The following PRMT9 variants were observed in gnomAD, a reference collection of about 807,000 sequenced individuals.
The protein encoded by PRMT9 is protein arginine N-methyltransferase 9.
Under a neutral mutation model 83.2 loss-of-function variants are expected in PRMT9, and 59 were observed. The ratio of observed to expected loss-of-function variants is 0.71; its 90% confidence interval spans 0.57 to 0.88. PRMT9 has a LOEUF of 0.88. PRMT9 is among the 40% of genes least tolerant of loss of function. The probability of loss-of-function intolerance (pLI) is 0.00; values close to 1 mark genes in which losing one functional copy is unlikely to be tolerated. For synonymous variants in PRMT9, 333 were observed against 353.2 expected, an observed-to-expected ratio of 0.94 and a Z score of 0.64; for missense variants, 947 against 1,021.9, an observed-to-expected ratio of 0.93 and a Z score of 1.00.
In PRMT9 at chr4:147,637,850, T is replaced by C. The variant is rs111767918; in HGVS notation, c.*682A>G. 1.3e-5 allele frequency: 2 copies of C among 152,680 alleles called. No homozygotes were observed. The highest frequency in any genetic ancestry group is 4.8e-5 in the African/African-American group (2 of 41,590). The allele number at this position is 152,680 out of a possible 1,614,324, so 9.5% of individuals were successfully genotyped here. A position where few individuals can be genotyped will look rare whatever the true frequency, so the allele number is the denominator to read the frequency against. The stretch of plus-strand genomic sequence containing the variant: ...GTAAAAATTGGATCAATTAATGTAC[T>C]TATTGTACATCCAAATCAAAACTTT... On this transcript the variant is annotated 3_prime_UTR_variant, in exon 12 of 12. Coordinates refer to ENST00000322396, the MANE Select transcript of PRMT9 (RefSeq NM_138364.4).
Position 147,668,537 on chromosome 4 carries a change from A to C in PRMT9, c.953+2T>G. 6.5e-7 allele frequency: 1 copy of C among 1,535,564 alleles called. No individual in the cohort carries two copies. Among genetic ancestry groups the C allele is most frequent in the South Asian group, 1.1e-5 (1 of 89,628 alleles). ...AGTGTGAAAATGGACTAATACACTTACCTATGATGTCTTCTTATCTCTGCA... is the reference window on the plus strand; with the variant it reads ...AGTGTGAAAATGGACTAATACACTTCCCTATGATGTCTTCTTATCTCTGCA... On this transcript the variant is annotated splice_donor_variant, in intron 6 of 11. Coordinates refer to ENST00000322396, the MANE Select transcript of PRMT9 (RefSeq NM_138364.4). LOFTEE classifies it high-confidence loss of function.
chr4:147,642,925 A>T lies in PRMT9; in HGVS notation c.2061T>A (p.Ser687=), dbSNP rs775448359. ...KAAISRCLLQ[S]GGKIFPQYVL... is the part of the protein sequence containing the mutation. ...CATACTGAGGAAAGATCTTGCCTCC[A>T]GATTGTAGTAAACACCTAAGAAAAA... Residue 687 remains serine (S), a synonymous_variant, in exon 10 of 12, where the codon TCT becomes TCA. Coordinates refer to ENST00000322396, the MANE Select transcript of PRMT9 (RefSeq NM_138364.4). 34 of 1,614,028 alleles carry T rather than the reference A, an allele frequency of 2.1e-5. No individual in the cohort carries two copies. The highest frequency in any genetic ancestry group is 2.6e-5 in the Non-Finnish European group (31 of 1,179,978).
intron 9 of PRMT9, among the ~76,000 whole-genome samples, chr4:147,647,093 G>A (rs1253917771): frequency 1.3e-5 from 2 of 152,094 alleles, no homozygotes; most frequent in Non-Finnish European, 1.5e-5. Context: ...AGGCCACAAG[G>A]TTAGGATTAT....
At chr4:147,644,254 A>C (rs1436711250) in intron 9 of PRMT9, among the ~76,000 whole-genome samples, 1 of 152,062 alleles carries the variant, frequency 6.6e-6, no homozygotes, top group Non-Finnish European at 1.5e-5. Context: ...AAATAGTAAT[A>C]GTGTATTACT....
At chr4:147,663,548 T>C (rs901706613) in intron 6 of PRMT9, among the ~76,000 whole-genome samples, 4 of 152,148 alleles carry the variant, frequency 2.6e-5, no homozygotes, top group African/African-American at 9.7e-5. Context: ...GTATTTTTTA[T>C]AGAGACAGGG....
Position 147,684,156 on chromosome 4 carries a change from C to A in PRMT9, c.-169G>T, listed in dbSNP as rs547968933. On this transcript the variant is annotated 5_prime_UTR_variant, in exon 1 of 12. Coordinates refer to ENST00000322396, the MANE Select transcript of PRMT9 (RefSeq NM_138364.4). ...ACCCCAGCCCAGGCGGAAGCTCCGCCCCGTCCTGGCCCCGCGGGCGGCGCA... is the reference window on the plus strand; with the variant it reads ...ACCCCAGCCCAGGCGGAAGCTCCGCACCGTCCTGGCCCCGCGGGCGGCGCA... The A allele has an allele frequency of 3.9e-6, 3 of 774,090 alleles. No homozygotes were observed. In the South Asian group the frequency reaches 4.9e-5, roughly 13 times the overall value. The allele number at this position is 774,090 out of a possible 1,614,324, so 48.0% of individuals were successfully genotyped here.
chr4:147,682,766 A>G (rs988295841), intron 1 of PRMT9, among the ~76,000 whole-genome samples: 5 of 152,232 alleles, frequency 3.3e-5, no homozygotes, highest in African/African-American at 1.2e-4. Context: ...GTATCTCAAC[A>G]TATCATCTCC....
In PRMT9 at chr4:147,657,902, G is replaced by A. The variant is rs146548501; in HGVS notation, c.1220C>T (p.Ala407Val). 3.7e-6 allele frequency: 6 copies of A among 1,606,874 alleles called. No homozygotes were observed. The highest frequency in any genetic ancestry group is 5.1e-6 in the Non-Finnish European group (6 of 1,177,342). The change falls in exon 8 of 12, where the codon GCT becomes GTT. Residue 407 changes from alanine to valine, a missense_variant. Ala to Val is a moderately conservative substitution (Grantham distance 64, BLOSUM62 0). Transcript: ENST00000322396. ...CTGGAGCACAAACCAAACCATAATA[G>A]CATCTAGTATGCCTTCTTTAATAAC... ...IPVIKEGILD[A>V]IMVWFVLQLD...
At chr4:147,670,565 A>C in intron 5 of PRMT9, 76 bp downstream of exon 5, 1 of 972,030 alleles carries the variant, frequency 1.0e-6, no homozygotes, top group Non-Finnish European at 1.7e-6. Flanking sequence ...TGTTTTGTAA[A>C]TATACTAAGG....
At chr4:147,648,721 C>A (rs1336040278) in intron 9 of PRMT9, among the ~76,000 whole-genome samples, 3 of 152,166 alleles carry the variant, frequency 2.0e-5, no homozygotes, top group African/African-American at 4.8e-5. Flanking sequence ...TGGGACCTGA[C>A]ACTATCAACT....
At chr4:147,675,623 A>G in intron 2 of PRMT9, among the ~76,000 whole-genome samples, 1 of 152,194 alleles carries the variant, frequency 6.6e-6, no homozygotes, top group Admixed American at 6.5e-5. Context: ...TTTGATATTT[A>G]ATACATTATC....
At chr4:147,678,218 TA>T (rs544231918) in intron 2 of PRMT9, among the ~76,000 whole-genome samples, 124 of 152,332 alleles carry the variant, frequency 8.1e-4, no homozygotes, top group African/African-American at 2.5e-3. Context: ...TGTAGTTCAT[TA>T]TTCATAACAT....
intron 9 of PRMT9, 83 bp downstream of exon 9, chr4:147,653,769 A>C (rs1578893114): frequency 1.1e-6 from 1 of 925,962 alleles, no homozygotes; most frequent in East Asian, 2.5e-5. Flanking sequence ...TTTACAGTTA[A>C]GCGATTAAAG....
intron 6 of PRMT9, among the ~76,000 whole-genome samples, chr4:147,665,124 CAAAA>C (rs370245859): frequency 1.7e-5 from 2 of 116,666 alleles, no homozygotes; most frequent in African/African-American, 3.2e-5. Flanking sequence ...TCTGTCTAAA[CAAAA>C]AAAAAAAAAA....
At chr4:147,673,553 C>A in intron 3 of PRMT9, 85 bp downstream of exon 3, 1 of 887,424 alleles carries the variant, frequency 1.1e-6, no homozygotes, top group Non-Finnish European at 1.9e-6. Flanking sequence ...TTTTAAATTC[C>A]AATGTTAAAT....
At chr4:147,660,178 G>A (rs1192414295) in intron 7 of PRMT9, among the ~76,000 whole-genome samples, 2 of 152,172 alleles carry the variant, frequency 1.3e-5, no homozygotes, top group Non-Finnish European at 2.9e-5. Context: ...ATAACTTGGG[G>A]GGAAATTATT....
chr4:147,682,040 C>T (rs1736503516), intron 1 of PRMT9, among the ~76,000 whole-genome samples: 1 of 152,186 alleles, frequency 6.6e-6, no homozygotes. Context: ...GAGTCATACA[C>T]TGTCGCCCAG....
intron 2 of PRMT9, among the ~76,000 whole-genome samples, chr4:147,680,110 G>A (rs1341199962): frequency 6.6e-6 from 1 of 152,080 alleles, no homozygotes; most frequent in Non-Finnish European, 1.5e-5. Flanking sequence ...CTCTTCCTTG[G>A]ATATTCTGTC....
chr4:147,642,697 G>T, intron 10 of PRMT9, 90 bp downstream of exon 10: 1 of 1,116,234 alleles, frequency 9.0e-7, no homozygotes, highest in Middle Eastern at 2.6e-4. Context: ...TTTAGTCACT[G>T]TGTTTAGCTA....
Sources: gnomAD v4.1 joint callset for allele counts (sites outside exome capture counted in the v4.1 genomes callset) on GRCh38, gnomAD v4.1.1 for gene constraint, MANE v1.5 for transcripts, NCBI Gene and HGNC (gene_info 2026-07-23, HGNC 2026-07-21) for gene names.